The following VPS13D variants were observed in gnomAD, a reference collection of about 807,000 sequenced individuals.
VPS13D encodes vacuolar protein sorting 13 homolog D.
A neutral mutation model predicts 461.9 loss-of-function variants in VPS13D; 187 were observed. The observed-to-expected ratio is 0.40, with a 90% CI of 0.36 to 0.46. VPS13D has a LOEUF of 0.46. Ranked by LOEUF, VPS13D falls within the 20% of genes least tolerant of loss-of-function variation. The pLI, the probability that VPS13D is intolerant of heterozygous loss-of-function variation, is 0.60. For missense variants in VPS13D, 4,711 were observed against 5,364.9 expected (o/e 0.88, Z 3.81); for synonymous variants, 1,951 against 1,986.3 (o/e 0.98, Z 0.47).
chr1:12,490,270 G>C (rs1003669886), intron 67 of VPS13D, among the ~76,000 whole-genome samples: 2 of 152,106 alleles, frequency 1.3e-5, no homozygotes, highest in African/African-American at 4.8e-5. Context: ...ACTAGCATAG[G>C]GTTTCTTTCT....
rs927694006 is a variant in VPS13D, at chr1:12,495,409, C to G, written c.12663-2091C>G. On this transcript the variant is annotated intron_variant, in intron 67 of 69. Coordinates refer to ENST00000620676, the MANE Select transcript of VPS13D (RefSeq NM_015378.4). This position sits in a 1 kb window ranked among gnomAD's most constrained non-coding sequence, Gnocchi z 4.0. ...TCCTGACCCTGTGATCCATCCGCCT[C>G]GGCCTCCCAAAGTGCTGGGATTACA... Among the ~76,000 whole-genome samples the G allele has an allele frequency of 6.6e-6, 1 of 152,162 alleles. No homozygotes were observed. Among genetic ancestry groups the G allele is most frequent in the East Asian group, 1.9e-4 (1 of 5,200 alleles).
intron 60 of VPS13D, among the ~76,000 whole-genome samples, chr1:12,396,177 G>T (rs1389506967): frequency 6.6e-6 from 1 of 151,694 alleles, no homozygotes; most frequent in South Asian, 2.1e-4. Context: ...TGGGGGAGCT[G>T]CAAATTCCTT....
intron 60 of VPS13D, among the ~76,000 whole-genome samples, 188 bp from the exon 61 acceptor site, chr1:12,399,993 G>T (rs1644552850): frequency 6.6e-6 from 1 of 152,066 alleles, no homozygotes; most frequent in African/African-American, 2.4e-5. Context: ...ATGAAATTTA[G>T]CATCTGTTAT....
At position 12,291,079 on chromosome 1, in the gene VPS13D, G is replaced by A. The variant is rs747867326; in HGVS notation, c.5807G>A (p.Arg1936Gln). The A allele has an allele frequency of 2.5e-6, 4 of 1,613,966 alleles. No individual in the cohort carries two copies. The highest frequency in any genetic ancestry group is 2.7e-5 in the African/African-American group (2 of 75,032). Residue 1936 changes from arginine to glutamine, a missense_variant, in exon 23 of 70, where the codon CGG (arginine) becomes CAG (glutamine). By Grantham distance (43) the Arg-to-Gln change is conservative. Transcript: ENST00000620676. ...TGCCATGGAGAGTTCTACAGAGAAC[G>A]GTTCACTACCAGTGGTGAAGAAGCA... ...LTCHGEFYRE[R>Q]FTTSGEEALI...
intron 67 of VPS13D, among the ~76,000 whole-genome samples, chr1:12,461,516 A>G (rs1460759607): frequency 2.6e-5 from 4 of 152,214 alleles, no homozygotes; most frequent in African/African-American, 4.8e-5. Context: ...ATACAAAACT[A>G]AAACAATCCT....
chr1:12,456,580 A>G (rs756316124), intron 66 of VPS13D, among the ~76,000 whole-genome samples: 12 of 149,956 alleles, frequency 8.0e-5, no homozygotes, highest in Non-Finnish European at 1.5e-4. Flanking sequence ...AGAGGTTGCA[A>G]TGAGCTGAGA....
chr1:12,296,490 C>G (rs568953495), intron 24 of VPS13D, among the ~76,000 whole-genome samples: 6 of 152,232 alleles, frequency 3.9e-5, no homozygotes, highest in African/African-American at 1.4e-4. Flanking sequence ...TTTTTCCTAG[C>G]CTTTTTTAGA....
rs150705778 is a variant in VPS13D at position 12,508,780 on chromosome 1, C to T, written c.13036-113C>T. ...GCCCTGGCCATCACTGTTTCTTTGA[C>T]GTGTACATCCCATCCTGAGATGCAG... On this transcript the variant is annotated intron_variant, in intron 69 of 69. Coordinates refer to ENST00000620676, the MANE Select transcript of VPS13D (RefSeq NM_015378.4). 279 of 1,171,202 alleles carry T rather than the reference C, an allele frequency of 2.4e-4. 1 individual carries two copies. In the East Asian group the frequency reaches 4.0e-3, roughly 17 times the overall value. 72.6% of individuals were successfully genotyped at this position (1,171,202 alleles called of 1,614,324 possible).
chr1:12,322,789 G>T (rs1417405466), intron 34 of VPS13D, 43 bp downstream of exon 34: 2 of 1,569,558 alleles, frequency 1.3e-6, no homozygotes, highest in East Asian at 4.5e-5. Context: ...TGCTAATAAC[G>T]CTTCTTCTTT....
intron 16 of VPS13D, 90 bp from the exon 17 acceptor site, chr1:12,270,904 A>G (rs550143834): frequency 2.0e-6 from 3 of 1,470,552 alleles, no homozygotes; most frequent in African/African-American, 2.9e-5. Flanking sequence ...TTAAGCTTTG[A>G]TGGACATTCT....
Position 12,419,922 on chromosome 1 carries a change from G to A in VPS13D, c.12333+3095G>A, listed in dbSNP as rs533501888. On this transcript the variant is annotated intron_variant, in intron 65 of 69. Coordinates refer to ENST00000620676, the MANE Select transcript of VPS13D (RefSeq NM_015378.4). ...CACCTCGGCTATCGGCTCCTAGGCC[G>A]CAAAACTGTACAGCATGTTAAAGAT... is the stretch of plus-strand genomic sequence containing the variant. Among the ~76,000 whole-genome samples the A allele has an allele frequency of 1.5e-4, 23 of 152,216 alleles. No individual in the cohort carries two copies. The South Asian group carries it at 2.1e-3, about 14-fold the overall frequency.
Position 12,273,027 on chromosome 1 carries a change from C to A in VPS13D, c.2128C>A (p.Arg710=), listed in dbSNP as rs139539467. The change falls in exon 18 of 70, where the codon CGG becomes AGG. Residue 710 remains arginine (R), a synonymous_variant. Transcript: ENST00000620676. ...FIEESKRWTV[R]LDISAPQVIF... is the part of the protein sequence containing the mutation. Reference sequence around the variant, plus strand: ...GGAGGAGAGTAAACGATGGACCGTGCGGCTGGATATTTCTGCCCCTCAGGT... The same window carrying A: ...GGAGGAGAGTAAACGATGGACCGTGAGGCTGGATATTTCTGCCCCTCAGGT... 1.2e-6 allele frequency: 2 copies of A among 1,613,870 alleles called. No homozygotes were observed. Among genetic ancestry groups the A allele is most frequent in the Non-Finnish European group, 1.7e-6 (2 of 1,179,912 alleles).
At chr1:12,406,532 G>A (rs1644657958) in intron 63 of VPS13D, among the ~76,000 whole-genome samples, 1 of 152,202 alleles carries the variant, frequency 6.6e-6, no homozygotes, top group Admixed American at 6.5e-5. Context: ...GGTTTACACT[G>A]AGGGTACATT....
intron 63 of VPS13D, among the ~76,000 whole-genome samples, chr1:12,404,803 T>C (rs1170332009): frequency 1.3e-5 from 2 of 152,162 alleles, no homozygotes; most frequent in Non-Finnish European, 2.9e-5. Flanking sequence ...TAGGAAGTGA[T>C]AGGAGCAGGA....
chr1:12,324,335 C>T (rs1643123456), intron 35 of VPS13D, among the ~76,000 whole-genome samples: 1 of 152,040 alleles, frequency 6.6e-6, no homozygotes, highest in Non-Finnish European at 1.5e-5. Flanking sequence ...GGCGAAACCG[C>T]ATCTCTACTA....
intron 63 of VPS13D, among the ~76,000 whole-genome samples, chr1:12,405,697 T>G (rs1233106932): frequency 6.6e-6 from 1 of 152,232 alleles, no homozygotes; most frequent in Admixed American, 6.5e-5. Context: ...AACCACTATC[T>G]TGTTAATATC....
At chr1:12,463,303 G>C (rs929435467) in intron 67 of VPS13D, among the ~76,000 whole-genome samples, 1 of 152,178 alleles carries the variant, frequency 6.6e-6, no homozygotes, top group Non-Finnish European at 1.5e-5. Context: ...AGGCAAGTAG[G>C]GTATATGTTT....
chr1:12,475,772 A>C (rs904883441), intron 67 of VPS13D, among the ~76,000 whole-genome samples: 2 of 152,220 alleles, frequency 1.3e-5, no homozygotes, highest in African/African-American at 4.8e-5. Context: ...GACAGCATAC[A>C]TCAAATAAAA....
At chr1:12,326,843 C>A (rs190040857) in intron 35 of VPS13D, among the ~76,000 whole-genome samples, 18 of 152,116 alleles carry the variant, frequency 1.2e-4, no homozygotes, top group South Asian at 4.2e-4. Flanking sequence ...CGGGGTTTCA[C>A]CATGTTGGTC....
Sources: gnomAD v4.1 joint callset for allele counts (sites outside exome capture counted in the v4.1 genomes callset) on GRCh38, gnomAD v4.1.1 for gene constraint, Gnocchi (gnomAD v3.1) non-coding constraint, MANE v1.5 for transcripts, NCBI Gene and HGNC (gene_info 2026-07-23, HGNC 2026-07-21) for gene names.